Variants in LYZL4 observed in about 807,000 individuals in gnomAD.
The protein encoded by LYZL4 is lysozyme-like protein 4.
In LYZL4, 13 loss-of-function variants were observed where a neutral mutation model predicts 17.6. The ratio of observed to expected loss-of-function variants is 0.74; its 90% CI spans 0.48 to 1.18. The LOEUF is 1.18. LYZL4 is among the 50% of genes most tolerant of loss of function. The pLI, the probability that LYZL4 is intolerant of heterozygous loss-of-function variation, is 0.00. For synonymous variants in LYZL4, 64 were observed against 67.7 expected, an observed-to-expected ratio of 0.95 and a Z score of 0.27; for missense variants, 174 against 188.2, an observed-to-expected ratio of 0.92 and a Z score of 0.44.
At chr3:42,404,217 A>G in intron 3 of LYZL4, 93 bp from the exon 4 acceptor site, 1 of 694,300 alleles carries the variant, frequency 1.4e-6, no homozygotes, top group African/African-American at 1.8e-5. Context: ...CACATCAGAG[A>G]GTCTTCCAGT....
the LYZL4 span, among the ~76,000 whole-genome samples, chr3:42,386,395 G>GCT: frequency 7.4e-5 from 8 of 107,454 alleles, no homozygotes; most frequent in East Asian, 2.5e-4. Flanking sequence ...GAGCCACCAC[G>GCT]CCCCCCCCCC....
At chr3:42,385,574 C>A in the LYZL4 span, among the ~76,000 whole-genome samples, 1 of 152,138 alleles carries the variant, frequency 6.6e-6, no homozygotes. Context: ...GTAAGGCATG[C>A]CTGTAAATAA....
chr3:42,398,270 A>G (rs779821048), intron 4 of LYZL4, among the ~76,000 whole-genome samples: 3 of 152,208 alleles, frequency 2.0e-5, no homozygotes, highest in Non-Finnish European at 4.4e-5. Flanking sequence ...GCTTTGGAGA[A>G]CACGTGGCTG....
downstream of LYZL4, among the ~76,000 whole-genome samples, chr3:42,395,940 C>A (rs533673696): frequency 1.3e-5 from 2 of 152,090 alleles, no homozygotes; most frequent in African/African-American, 4.8e-5. Context: ...TGCGTGCCTG[C>A]AATCCCAGCT....
At chr3:42,394,154 T>C (rs1048711667), downstream of LYZL4, among the ~76,000 whole-genome samples, 7 of 152,210 alleles carry the variant, frequency 4.6e-5, no homozygotes, top group East Asian at 1.2e-3. Context: ...CACACTGTCT[T>C]CTCGATTTAT....
the LYZL4 span, among the ~76,000 whole-genome samples, chr3:42,383,115 T>C: frequency 6.6e-6 from 1 of 151,816 alleles, no homozygotes; most frequent in African/African-American, 2.4e-5. Context: ...ATGCTGGGGG[T>C]TTCTGAACTG....
At chr3:42,382,839 A>C in the LYZL4 span, among the ~76,000 whole-genome samples, 1 of 152,086 alleles carries the variant, frequency 6.6e-6, no homozygotes, top group Admixed American at 6.5e-5. Context: ...CAGAGCATGC[A>C]TAGCACCTGC....
chr3:42,375,527 T>C, the LYZL4 span, among the ~76,000 whole-genome samples: 1 of 152,178 alleles, frequency 6.6e-6, no homozygotes, highest in Non-Finnish European at 1.5e-5. Context: ...CATAATAGGA[T>C]TTTATGAAAT....
chr3:42,368,482 A>G, the LYZL4 span, among the ~76,000 whole-genome samples: 1 of 152,220 alleles, frequency 6.6e-6, no homozygotes, highest in Non-Finnish European at 1.5e-5. Context: ...AAATGAACTC[A>G]TGACATATAT....
At position 42,404,864 on chromosome 3, in the gene LYZL4, T is replaced by C. The variant is rs573538404; in HGVS notation, c.293-740A>G. ...TTAAATTAAATCAATTTAATTAATTTAAAAATGTTATTAACTTACACTTTT... is the reference window on the plus strand; with the variant it reads ...TTAAATTAAATCAATTTAATTAATTCAAAAATGTTATTAACTTACACTTTT... On this transcript the variant is annotated intron_variant, in intron 3 of 4. Coordinates refer to ENST00000287748, the MANE Select transcript of LYZL4 (RefSeq NM_144634.4). 1.2e-4 allele frequency among the ~76,000 whole-genome samples: 18 copies of C among 152,368 alleles called. No individual in the cohort carries two copies. In the South Asian group the frequency reaches 3.7e-3, roughly 32 times the overall value.
the LYZL4 span, among the ~76,000 whole-genome samples, chr3:42,375,422 G>A: frequency 6.6e-6 from 1 of 152,214 alleles, no homozygotes; most frequent in African/African-American, 2.4e-5. Context: ...AGTTTGCCCA[G>A]TACACTGGGA....
At chr3:42,362,424 A>G in the LYZL4 span, among the ~76,000 whole-genome samples, 1 of 152,224 alleles carries the variant, frequency 6.6e-6, no homozygotes, top group African/African-American at 2.4e-5. Flanking sequence ...CTGCTATAAC[A>G]AGGTACCATA....
downstream of LYZL4, among the ~76,000 whole-genome samples, chr3:42,396,871 C>G (rs557662068): frequency 6.6e-6 from 1 of 152,332 alleles, no homozygotes; most frequent in South Asian, 2.1e-4. Context: ...CTTGTGCCAG[C>G]CTCTCTTCCT....
downstream of LYZL4, among the ~76,000 whole-genome samples, chr3:42,392,141 G>T (rs1405789362): frequency 6.6e-6 from 1 of 152,150 alleles, no homozygotes; most frequent in East Asian, 1.9e-4. Context: ...CAAAGTGTTG[G>T]CATTACAGGC....
chr3:42,385,574 C>T, the LYZL4 span, among the ~76,000 whole-genome samples: 1 of 152,138 alleles, frequency 6.6e-6, no homozygotes, highest in African/African-American at 2.4e-5. Flanking sequence ...GTAAGGCATG[C>T]CTGTAAATAA....
the LYZL4 span, among the ~76,000 whole-genome samples, chr3:42,371,391 C>T: frequency 5.3e-4 from 80 of 152,192 alleles, no homozygotes; most frequent in Non-Finnish European, 7.3e-4. Flanking sequence ...ATGCCAAGCT[C>T]AGGGCCTGGA....
the LYZL4 span, among the ~76,000 whole-genome samples, chr3:42,366,109 G>A: frequency 6.6e-6 from 1 of 151,896 alleles, no homozygotes; most frequent in Non-Finnish European, 1.5e-5. Context: ...CTCTCCCCAG[G>A]CCACTAGATA....
At chr3:42,404,826 C>A (rs893157645) in intron 3 of LYZL4, among the ~76,000 whole-genome samples, 5 of 152,022 alleles carry the variant, frequency 3.3e-5, no homozygotes. Context: ...ATTGAATGTA[C>A]CATCATTTCA....
At chr3:42,377,494 T>G in the LYZL4 span, among the ~76,000 whole-genome samples, 1 of 151,918 alleles carries the variant, frequency 6.6e-6, no homozygotes, top group Non-Finnish European at 1.5e-5. Context: ...TCCCACAGAG[T>G]GATAGGGAAA....
Sources: gnomAD v4.1 joint callset for allele counts (sites outside exome capture counted in the v4.1 genomes callset) on GRCh38, gnomAD v4.1.1 for gene constraint, MANE v1.5 for transcripts, NCBI Gene and HGNC (gene_info 2026-07-23, HGNC 2026-07-21) for gene names.